The following CLUH variants were observed in gnomAD, a reference collection of about 807,000 sequenced individuals.
CLUH encodes CLUH binding protein of NUMT mRNA.
A neutral mutation model predicts 139.3 loss-of-function variants in CLUH; 77 were observed. That is an observed-to-expected ratio of 0.55 (90% CI 0.46 to 0.67). The LOEUF (loss-of-function observed/expected upper bound fraction) is 0.67, where lower values mean the gene tolerates loss of function less well. CLUH is among the 30% of genes least tolerant of loss of function. The probability of loss-of-function intolerance (pLI) is 0.00; values close to 1 mark genes in which losing one functional copy is unlikely to be tolerated. For synonymous variants in CLUH, 999 were observed against 801.6 expected (o/e 1.25, Z -4.16); for missense variants, 1,876 against 1,875.8 (o/e 1.00, Z 0.00).
At position 2,697,887 on chromosome 17, in the gene CLUH, G is replaced by A. The variant is rs1464182347; in HGVS notation, c.1961+9C>T. On this transcript the variant is annotated intron_variant, in intron 10 of 25. Coordinates refer to ENST00000651024, the MANE Select transcript of CLUH (RefSeq NM_001366661.1). ...GCCCCGGCCCTGGTCCGGCAGGGCCGCCCCTCACCTGTGCTCCACGAAGGC... is the reference window on the plus strand; with the variant it reads ...GCCCCGGCCCTGGTCCGGCAGGGCCACCCCTCACCTGTGCTCCACGAAGGC... The A allele has an allele frequency of 5.4e-6, 8 of 1,472,444 alleles. No individual in the cohort carries two copies. Among genetic ancestry groups the A allele is most frequent in the East Asian group, 2.5e-5 (1 of 40,322 alleles). 91.2% of individuals were successfully genotyped at this position (1,472,444 alleles called of 1,614,324 possible).
rs866094500 is a variant in CLUH at position 2,704,876 on chromosome 17, C to G, written c.101-312G>C. ...GAGGGTCTCCTCCGGCCCTAACACA[C>G]CTAGCTTCCCAGCAGCAGTTCCCCT... On this transcript the variant is annotated intron_variant, in intron 1 of 25. Coordinates refer to ENST00000651024, the MANE Select transcript of CLUH (RefSeq NM_001366661.1). The surrounding 1 kb of genome is among the most constrained non-coding windows in gnomAD (Gnocchi z 5.7). 1.3e-5 allele frequency among the ~76,000 whole-genome samples: 2 copies of G among 152,124 alleles called. No homozygotes were observed. Among genetic ancestry groups the G allele is most frequent in the South Asian group, 2.1e-4 (1 of 4,828 alleles).
Position 2,698,473 on chromosome 17 carries a change from T to A in CLUH, c.1384A>T (p.Ile462Phe), listed in dbSNP as rs769320744. The change falls in exon 10 of 26, where the codon ATC becomes TTC. Residue 462 changes from isoleucine (I) to phenylalanine (F), a missense_variant. Coordinates refer to ENST00000651024, the MANE Select transcript of CLUH (RefSeq NM_001366661.1). Reference sequence around the variant, plus strand: ...ACGTCGAAGCCCAGGCTGAAGAAGATGTTGTTCCAGATGAACATCTGCATC... The same window carrying A: ...ACGTCGAAGCCCAGGCTGAAGAAGAAGTTGTTCCAGATGAACATCTGCATC... ...TKMQMFIWNN[I>F]FFSLGFDVRD... is the part of the protein sequence containing the mutation. The A allele has an allele frequency of 1.2e-6, 2 of 1,613,262 alleles. No individual in the cohort carries two copies. Among genetic ancestry groups the A allele is most frequent in the Non-Finnish European group, 1.7e-6 (2 of 1,179,804 alleles).
intron 9 of CLUH, among the ~76,000 whole-genome samples, chr17:2,698,897 A>G (rs1329389106): frequency 6.6e-6 from 1 of 152,126 alleles, no homozygotes; most frequent in Non-Finnish European, 1.5e-5. Flanking sequence ...TACAAAAAAA[A>G]TCAGCCAGGC....
chr17:2,698,639 C>T, intron 9 of CLUH, 49 bp from the exon 10 acceptor site: 2 of 1,477,472 alleles, frequency 1.4e-6, no homozygotes, highest in African/African-American at 2.8e-5. Context: ...CCACAAGAGC[C>T]TGCATCCACC....
Position 2,690,783 on chromosome 17 carries a change from G to A in CLUH, c.3864-6C>T, listed in dbSNP as rs371904932. ...GATTCTCCAGGTCTTTTTGGCTGAG[G>A]ATAAGGGTGGGGATGGAGGTGGCTC... On this transcript the variant is annotated splice_region_variant and splice_polypyrimidine_tract_variant and intron_variant, in intron 25 of 25. Transcript: ENST00000651024. 4.8e-5 allele frequency: 72 copies of A among 1,491,068 alleles called. No individual in the cohort carries two copies. The highest frequency in any genetic ancestry group is 2.0e-4 in the East Asian group (8 of 39,870). 92.4% of individuals were successfully genotyped at this position (1,491,068 alleles called of 1,614,324 possible).
intron 1 of CLUH, among the ~76,000 whole-genome samples, chr17:2,708,283 C>G (rs2070405544): frequency 6.6e-6 from 1 of 152,188 alleles, no homozygotes; most frequent in South Asian, 2.1e-4. Flanking sequence ...ACACAATGAC[C>G]AGAGGAGAAG....
chr17:2,691,931 G>T, intron 23 of CLUH, 36 bp from the exon 24 acceptor site: 1 of 1,124,186 alleles, frequency 8.9e-7, no homozygotes, highest in African/African-American at 2.2e-5. Context: ...GCCCCCCCGT[G>T]CCCCCGCGGC....
At position 2,692,853 on chromosome 17, in the gene CLUH, C is replaced by A. The variant is rs764112822; in HGVS notation, c.3239G>T (p.Ser1080Ile). ...YIMGDYAEAL[S>I]NQQKAVLMSE... Reference sequence around the variant, plus strand: ...CATCAGCACCGCCTTCTGCTGGTTACTCAGGGCCTGGGGAGAGACAGTGGT... The same window carrying A: ...CATCAGCACCGCCTTCTGCTGGTTAATCAGGGCCTGGGGAGAGACAGTGGT... The change falls in exon 20 of 26, where the codon AGT becomes ATT. Residue 1080 changes from serine (S) to isoleucine (I), a missense_variant. Around this residue, in one of 3 missense-constraint regions of CLUH, gnomAD observed 1,454 missense variants for 1,384.4 expected, o/e 1.05. Transcript: ENST00000651024. 7 of 1,597,104 alleles carry A rather than the reference C, an allele frequency of 4.4e-6. No homozygotes were observed. In the East Asian group the frequency reaches 1.6e-4, roughly 36 times the overall value.
chr17:2,698,375 G>C lies in CLUH; in HGVS notation c.1482C>G (p.Val494=). The change falls in exon 10 of 26, where the codon GTC becomes GTG. Residue 494 remains valine (V), a synonymous_variant. Transcript: ENST00000651024. The part of the protein sequence containing the change: ...YVAPTNDLNG[V]RTYNAVDVEG... The stretch of plus-strand genomic sequence containing the variant: ...CCACGTCCACCGCGTTGTACGTGCG[G>C]ACGCCATTCAGGTCGTTGGTGGGCG... 1 of 1,613,204 alleles carries C rather than the reference G, an allele frequency of 6.2e-7. No homozygotes were observed. Among genetic ancestry groups the C allele is most frequent in the South Asian group, 1.1e-5 (1 of 91,050 alleles).
Position 2,696,151 on chromosome 17 carries a change from T to C in CLUH, c.2391+8A>G. On this transcript the variant is annotated splice_region_variant and intron_variant, in intron 13 of 25. Transcript: ENST00000651024. ...AAGCCCCACCCAGCCCCGCAGCCCC[T>C]CCCTCACCAAGCCAGGGATCTGGCA... 1.5e-6 allele frequency: 2 copies of C among 1,361,640 alleles called. No homozygotes were observed. The highest frequency in any genetic ancestry group is 2.5e-5 in the South Asian group (2 of 80,570). 84.3% of individuals were successfully genotyped at this position (1,361,640 alleles called of 1,614,324 possible).
chr17:2,710,028 C>T (rs1469765926), intron 1 of CLUH, among the ~76,000 whole-genome samples: 1 of 151,728 alleles, frequency 6.6e-6, no homozygotes, highest in African/African-American at 2.4e-5. Context: ...CCAACAGACG[C>T]TCGTCAGCCC....
In CLUH at chr17:2,692,460, T is replaced by C; in HGVS notation, c.3461A>G (p.His1154Arg). 1 of 1,600,028 alleles carries C rather than the reference T, an allele frequency of 6.2e-7. No individual in the cohort carries two copies. The highest frequency in any genetic ancestry group is 8.5e-7 in the Non-Finnish European group (1 of 1,178,658). The change falls in exon 22 of 26, where the codon CAC becomes CGC. Residue 1154 changes from histidine (H) to arginine (R), a missense_variant. Physicochemically the swap from His to Arg is conservative, Grantham distance 29. Coordinates refer to ENST00000651024, the MANE Select transcript of CLUH (RefSeq NM_001366661.1). ...LLDNNIGLVLHGVMEYDLSLR... is the reference protein window; with the variant it reads ...LLDNNIGLVLRGVMEYDLSLR... ...CGACAGGTCGTACTCCATCACCCCG[T>C]GCAGCACCAGCCCGATGTTGTTCTG...
In CLUH at chr17:2,691,987, ACG is replaced by A; in HGVS notation, c.3654+15_3654+16del. 2.4e-6 allele frequency: 2 copies of A among 830,938 alleles called. No homozygotes were observed. 51.5% of individuals were successfully genotyped at this position (830,938 alleles called of 1,614,324 possible). A position where few individuals can be genotyped will look rare whatever the true frequency, so the allele number is the denominator to read the frequency against. ...CCCCCGCCCCGCCCCCGCCCCCGCC[ACG>A]CCCCCGCCGCGCACCTGCGTCTTGT... On this transcript the variant is annotated intron_variant, in intron 23 of 25. Transcript: ENST00000651024.
At chr17:2,695,661 A>G in intron 13 of CLUH, 135 bp from the exon 14 acceptor site, 1 of 1,199,102 alleles carries the variant, frequency 8.3e-7, no homozygotes, top group Non-Finnish European at 1.1e-6. Flanking sequence ...TCAGGATGTC[A>G]GAATGTGCCC....
intron 19 of CLUH, 41 bp from the exon 20 acceptor site, chr17:2,692,901 C>T (rs957078221): frequency 1.3e-6 from 2 of 1,529,246 alleles, no homozygotes; most frequent in African/African-American, 2.7e-5. Context: ...GTGGGAACCC[C>T]CACTGCACCC....
At chr17:2,701,543 G>C in intron 5 of CLUH, 23 bp from the exon 6 acceptor site, 2 of 1,613,506 alleles carry the variant, frequency 1.2e-6, no homozygotes, top group Non-Finnish European at 8.5e-7. Flanking sequence ...CCGAGTCTGA[G>C]GGGCCAGGCC....
At position 2,692,503 on chromosome 17, in the gene CLUH, G is replaced by A. The variant is rs199936377; in HGVS notation, c.3439-21C>T. The A allele has an allele frequency of 3.3e-5, 53 of 1,596,746 alleles. No homozygotes were observed. The South Asian group carries it at 3.6e-4, about 11-fold the overall frequency. ...TTGTTCTGGGGGCAGGCGGTGGGGG[G>A]CCCTGGTCAGCTCCCGGTCCCCTGG... On this transcript the variant is annotated intron_variant, in intron 21 of 25. Transcript: ENST00000651024.
Position 2,691,827 on chromosome 17 carries a change from C to A in CLUH, c.3723G>T (p.Val1241=). The change falls in exon 24 of 26, where the codon GTG becomes GTT. Residue 1241 remains valine (V), a synonymous_variant. Transcript: ENST00000651024. ...TCTCGTTCATGGTGCGCTGCAGGGC[C>A]ACGGCCTGCTGGGTCAGGCACTTGA... The part of the protein sequence containing the change: ...EYLKCLTQQA[V]ALQRTMNEIY... The A allele has an allele frequency of 6.4e-7, 1 of 1,569,058 alleles. No homozygotes were observed. The highest frequency in any genetic ancestry group is 8.6e-7 in the Non-Finnish European group (1 of 1,158,166).
At chr17:2,694,432 GCGGGGACA>G in intron 17 of CLUH, 40 bp downstream of exon 17, 1 of 77,126 alleles carries the variant, frequency 1.3e-5, no homozygotes, top group Admixed American at 6.1e-4. Context: ...CAGGGACGCA[GCGGGGACA>G]CAGCGGGGAC....
Sources: allele counts gnomAD v4.1 joint callset (sites outside exome capture counted in the v4.1 genomes callset), GRCh38; gene constraint gnomAD v4.1.1; regional missense constraint gnomAD v4.1.1; non-coding constraint Gnocchi (gnomAD v3.1); transcripts MANE v1.5; gene names NCBI Gene and HGNC (gene_info 2026-07-23, HGNC 2026-07-21).